The following FAM200B variants were observed in gnomAD, a reference collection of about 807,000 sequenced individuals.
The protein encoded by FAM200B is protein FAM200B.
A neutral mutation model predicts 33.1 loss-of-function variants in FAM200B; 32 were observed. That is an observed-to-expected ratio of 0.97 (90% CI 0.73 to 1.30). The LOEUF is 1.30. FAM200B is among the 50% of genes most tolerant of loss of function. The pLI is 0.00. For synonymous variants in FAM200B, 240 were observed against 264.8 expected, an observed-to-expected ratio of 0.91 and a Z score of 0.91; for missense variants, 741 against 754.0, an observed-to-expected ratio of 0.98 and a Z score of 0.20.
the FAM200B span, among the ~76,000 whole-genome samples, chr4:15,646,105 C>T: frequency 2.1e-4 from 32 of 152,250 alleles, no homozygotes; most frequent in African/African-American, 7.0e-4. Flanking sequence ...CTTTTGCAGG[C>T]CATGTGGTCT....
At chr4:15,658,102 G>A in the FAM200B span, among the ~76,000 whole-genome samples, 1 of 152,274 alleles carries the variant, frequency 6.6e-6, no homozygotes, top group African/African-American at 2.4e-5. Flanking sequence ...TAGTTTCCAA[G>A]CCTAATTTTG....
the FAM200B span, among the ~76,000 whole-genome samples, chr4:15,647,086 G>A: frequency 6.6e-6 from 1 of 151,428 alleles, no homozygotes; most frequent in Non-Finnish European, 1.5e-5. Flanking sequence ...AGCAGGGAGT[G>A]GTGGTGTGCA....
chr4:15,656,179 A>G, the FAM200B span: 1 of 456,078 alleles, frequency 2.2e-6, no homozygotes, highest in African/African-American at 2.0e-5. Flanking sequence ...ACCTTGGTAC[A>G]AATCCCGCCA....
the FAM200B span, among the ~76,000 whole-genome samples, chr4:15,652,484 T>C: frequency 6.6e-6 from 1 of 152,152 alleles, no homozygotes; most frequent in Non-Finnish European, 1.5e-5. Context: ...AACCTTTCCA[T>C]AAAACTTTTT....
chr4:15,661,710 C>G, the FAM200B span, among the ~76,000 whole-genome samples: 2 of 152,014 alleles, frequency 1.3e-5, no homozygotes, highest in East Asian at 3.8e-4. Context: ...GCTTAAGCAC[C>G]CTTTAAAACT....
chr4:15,656,226 AACCCAGG>A, the FAM200B span: 1 of 456,156 alleles, frequency 2.2e-6, no homozygotes, highest in Non-Finnish European at 4.4e-6. Flanking sequence ...CAAGGTCACT[AACCCAGG>A]AAAATGTCTG....
chr4:15,669,315 T>C, the FAM200B span, among the ~76,000 whole-genome samples: 80 of 152,322 alleles, frequency 5.3e-4, no homozygotes, highest in Admixed American at 1.4e-3. Context: ...TAAGTATTTC[T>C]GTATCTAAAT....
rs1406224858 is a variant in FAM200B at position 15,687,361 on chromosome 4, CAT to C, written c.386_387del (p.Ile129LysfsTer8). ...AATATTTTCAAAGAAAGAAAAAAGA[CAT>C]AAAGTTATCAACACAATTTCTTAGT... Reference protein sequence around the residue: ...LEYFQRKKKDIKLSTQFLSCS... With the variant: ...LEYFQRKKKDXKLSTQFLSCS... On this transcript the variant is annotated frameshift_variant, in exon 2 of 2. Transcript: ENST00000422728. LOFTEE classifies it high-confidence loss of function. 1.1e-4 allele frequency: 174 copies of C among 1,545,864 alleles called. 1 individual carries two copies. The Middle Eastern group carries it at 1.7e-3, about 15-fold the overall frequency.
chr4:15,662,526 A>G, the FAM200B span, among the ~76,000 whole-genome samples: 2 of 152,226 alleles, frequency 1.3e-5, no homozygotes, highest in Non-Finnish European at 2.9e-5. Context: ...TAATGAGACT[A>G]TCCCAAGAGA....
chr4:15,637,364 T>C, the FAM200B span, among the ~76,000 whole-genome samples: 1 of 152,306 alleles, frequency 6.6e-6, no homozygotes, highest in Admixed American at 6.5e-5. Context: ...ATTTCAGTAA[T>C]AATTTCCAAA....
In FAM200B at chr4:15,688,440, T is replaced by G; in HGVS notation, c.1463T>G (p.Leu488Trp). 1 of 1,544,598 alleles carries G rather than the reference T, an allele frequency of 6.5e-7. No individual in the cohort carries two copies. The highest frequency in any genetic ancestry group is 1.2e-5 in the South Asian group (1 of 83,070). ...AGCTATTACATGTTTCCAAGATTTT[T>G]GCAGCATATTGAAGAGAATATTATT... is the stretch of plus-strand genomic sequence containing the variant. The part of the protein sequence containing the change: ...RPSYYMFPRF[L>W]QHIEENIINE... Residue 488 changes from leucine to tryptophan, a missense_variant, in exon 2 of 2, where the codon TTG becomes TGG. By Grantham distance (61) the Leu-to-Trp change is moderately conservative. Transcript: ENST00000422728.
chr4:15,665,338 C>T, the FAM200B span, among the ~76,000 whole-genome samples: 1 of 152,278 alleles, frequency 6.6e-6, no homozygotes, highest in East Asian at 1.9e-4. Context: ...TTAGCCAAGG[C>T]AAACTTGAGG....
Position 15,689,322 on chromosome 4 carries a change from A to T in FAM200B, c.*371A>T, listed in dbSNP as rs1385567276. On this transcript the variant is annotated 3_prime_UTR_variant, in exon 2 of 2. Transcript: ENST00000422728. ...CAGGGAAGTACTGGGGAACCAAACCATGAAGGGTTCTGTAGACCATTATTG... is the reference window on the plus strand; with the variant it reads ...CAGGGAAGTACTGGGGAACCAAACCTTGAAGGGTTCTGTAGACCATTATTG... The T allele has an allele frequency of 5.8e-6, 1 of 173,160 alleles. No individual in the cohort carries two copies. 10.7% of individuals were successfully genotyped at this position (173,160 alleles called of 1,614,324 possible). A position where few individuals can be genotyped will look rare whatever the true frequency, so the allele number is the denominator to read the frequency against.
the FAM200B span, among the ~76,000 whole-genome samples, chr4:15,655,744 C>T: frequency 6.6e-6 from 1 of 152,210 alleles, no homozygotes; most frequent in Non-Finnish European, 1.5e-5. Context: ...GTGCCCACGC[C>T]CCGACGCCTG....
intron 1 of FAM200B, 40 bp from the exon 2 acceptor site, chr4:15,686,196 C>A (rs890328899): frequency 6.6e-6 from 1 of 152,180 alleles, no homozygotes; most frequent in South Asian, 2.1e-4. Flanking sequence ...CTACTTTGTA[C>A]TGTGATGCTT....
chr4:15,639,645 A>T, the FAM200B span, among the ~76,000 whole-genome samples: 1 of 152,212 alleles, frequency 6.6e-6, no homozygotes, highest in Admixed American at 6.5e-5. Flanking sequence ...TGGATATCAT[A>T]CAGTTAAAAA....
At chr4:15,652,087 C>T in the FAM200B span, among the ~76,000 whole-genome samples, 11 of 152,212 alleles carry the variant, frequency 7.2e-5, no homozygotes, top group East Asian at 5.8e-4. Flanking sequence ...ACAGAGTAGA[C>T]GGTAGAAACT....
At chr4:15,648,128 A>T in the FAM200B span, among the ~76,000 whole-genome samples, 2 of 152,218 alleles carry the variant, frequency 1.3e-5, no homozygotes, top group South Asian at 2.1e-4. Flanking sequence ...AGTTGCTGAG[A>T]TTATAGGCAC....
At chr4:15,659,214 AAGT>A in the FAM200B span, among the ~76,000 whole-genome samples, 1 of 152,218 alleles carries the variant, frequency 6.6e-6, no homozygotes, top group Non-Finnish European at 1.5e-5. Context: ...TTCCCTGAAC[AAGT>A]AGTAGGCATA....
Sources: allele counts gnomAD v4.1 joint callset (sites outside exome capture counted in the v4.1 genomes callset), GRCh38; gene constraint gnomAD v4.1.1; transcripts MANE v1.5; gene names NCBI Gene and HGNC (gene_info 2026-07-23, HGNC 2026-07-21).